The following PCDHA5 variants were observed in gnomAD, a reference collection of about 807,000 sequenced individuals.
PCDHA5 encodes the protein protocadherin alpha-5.
PCDHA5 carries 43 observed loss-of-function variants against 61.6 expected under a neutral mutation model. The observed-to-expected ratio is 0.70, with a 90% CI of 0.55 to 0.90. PCDHA5 has a LOEUF of 0.90. Among genes scored for constraint, PCDHA5 ranks in the 40% least tolerant of loss-of-function variants. PCDHA5 has a pLI of 0.00. For missense variants in PCDHA5, 1,298 were observed against 1,222.7 expected (o/e 1.06, Z -0.92); for synonymous variants, 627 against 543.9 (o/e 1.15, Z -2.13).
At chr5:140,893,327 GT>G (rs2063928643) in intron 1 of PCDHA5, among the ~76,000 whole-genome samples, 1 of 152,164 alleles carries the variant, frequency 6.6e-6, no homozygotes, top group Non-Finnish European at 1.5e-5. Flanking sequence ...CTCCCATACT[GT>G]TTTCCTTAGT....
At position 140,824,400 on chromosome 5, in the gene PCDHA5, T is replaced by C. The variant is rs1554129880; in HGVS notation, c.2352+273T>C. The C allele has an allele frequency of 7.3e-6, 4 of 544,444 alleles. No homozygotes were observed. The African/African-American group carries it at 7.7e-5, about 10-fold the overall frequency. The allele number at this position is 544,444 out of a possible 1,614,324, so 33.7% of individuals were successfully genotyped here. On this transcript the variant is annotated intron_variant, in intron 1 of 3. Transcript: ENST00000529859. ...CATCTCTAAAAATGTAGGATAATAA[T>C]TGTAAGACATAGTTTGGAGTCATTC...
chr5:140,822,738 C>A lies in PCDHA5; in HGVS notation c.963C>A (p.Ala321=). Residue 321 remains alanine (A), a synonymous_variant, in exon 1 of 4, where the codon GCC becomes GCA. Transcript: ENST00000529859. The stretch of plus-strand genomic sequence containing the variant: ...ACTCATATGAAATTAATATTGATGC[C>A]ATGGATAAAAGTACATTCCCATTAT... The part of the protein sequence containing the change: ...DYNSYEINID[A]MDKSTFPLSG... The A allele has an allele frequency of 1.9e-6, 3 of 1,613,298 alleles. No homozygotes were observed. Among genetic ancestry groups the A allele is most frequent in the Non-Finnish European group, 2.5e-6 (3 of 1,179,304 alleles).
chr5:140,869,320 G>T, intron 1 of PCDHA5: 1 of 1,613,846 alleles, frequency 6.2e-7, no homozygotes, highest in Non-Finnish European at 8.5e-7. Context: ...AACACATGGG[G>T]ACCTTCTGGA....
In PCDHA5 at chr5:140,829,378, C is replaced by T. The variant is rs142490526; in HGVS notation, c.2352+5251C>T. 28 of 1,614,180 alleles carry T rather than the reference C, an allele frequency of 1.7e-5. No homozygotes were observed. In the African/African-American group the frequency reaches 2.1e-4, roughly 12 times the overall value. On this transcript the variant is annotated intron_variant, in intron 1 of 3. Transcript: ENST00000529859. ...ATGAGTTGGTGGTAACCGCGCGGGA[C>T]GGGGGCTCGCCTTCGCTGTGGGCCA...
intron 1 of PCDHA5, among the ~76,000 whole-genome samples, chr5:140,918,041 C>T (rs1554198405): frequency 6.6e-6 from 1 of 152,058 alleles, no homozygotes; most frequent in Non-Finnish European, 1.5e-5. Flanking sequence ...AAGGTCTTTC[C>T]ATTTGTTTTA....
intron 1 of PCDHA5, among the ~76,000 whole-genome samples, chr5:140,915,929 C>A (rs1554197194): frequency 1.3e-5 from 2 of 152,144 alleles, no homozygotes; most frequent in African/African-American, 4.8e-5. Context: ...ACTTGGGAGT[C>A]AGGGATTGGA....
rs2150131408 is a variant in PCDHA5, at chr5:140,824,008, G to A, written c.2233G>A (p.Gly745Arg). The change falls in exon 1 of 4, where the codon GGG (glycine) becomes AGG (arginine). Residue 745 changes from glycine (G) to arginine (R), a missense_variant. By Grantham distance (125) the Gly-to-Arg change is moderately radical. Coordinates refer to ENST00000529859, the MANE Select transcript of PCDHA5 (RefSeq NM_018908.3). ...CACTCTGTTGTGCTCCAGCGCGGTGGGGAGCTGGTCGTACTCGCAGCAGAG... is the reference window on the plus strand; with the variant it reads ...CACTCTGTTGTGCTCCAGCGCGGTGAGGAGCTGGTCGTACTCGCAGCAGAG... ...KPTLLCSSAV[G>R]SWSYSQQRRQ... 6 of 1,614,026 alleles carry A rather than the reference G, an allele frequency of 3.7e-6. No individual in the cohort carries two copies. The highest frequency in any genetic ancestry group is 5.1e-6 in the Non-Finnish European group (6 of 1,180,022).
At chr5:140,830,182 C>A (rs2150182524) in intron 1 of PCDHA5, 1 of 1,613,656 alleles carries the variant, frequency 6.2e-7, no homozygotes. Context: ...TGGATGTCAA[C>A]GTGTACCTGA....
chr5:140,852,228 A>G, intron 1 of PCDHA5: 1 of 612,592 alleles, frequency 1.6e-6, no homozygotes, highest in Non-Finnish European at 2.1e-6. Context: ...TAATTTTTAA[A>G]TTTTCCCTTA....
chr5:140,928,552 G>A lies in PCDHA5; in HGVS notation c.2353-50397G>A, dbSNP rs145928329. On this transcript the variant is annotated intron_variant, in intron 1 of 3. Coordinates refer to ENST00000529859, the MANE Select transcript of PCDHA5 (RefSeq NM_018908.3). ...GGTAGATAGGAATGACAATTATCCGGTTATCTTGTTTCCCTTGCCCAGAAA... is the reference window on the plus strand; with the variant it reads ...GGTAGATAGGAATGACAATTATCCGATTATCTTGTTTCCCTTGCCCAGAAA... The A allele has an allele frequency of 6.7e-4, 1,075 of 1,614,218 alleles. 1 individual carries two copies. Among genetic ancestry groups the A allele is most frequent in the Non-Finnish European group, 8.6e-4 (1,013 of 1,180,042 alleles).
At chr5:140,952,338 CAA>C (rs55931446) in intron 1 of PCDHA5, among the ~76,000 whole-genome samples, 119 of 135,000 alleles carry the variant, frequency 8.8e-4, no homozygotes, top group Admixed American at 1.8e-3. Flanking sequence ...AACTCCATCT[CAA>C]AAAAAAAAAA....
At chr5:140,954,919 C>A (rs246021) in intron 1 of PCDHA5, among the ~76,000 whole-genome samples, 85,722 of 151,952 alleles carry the variant, frequency 0.56, 24,790 homozygotes, top group African/African-American at 0.69. Flanking sequence ...TTATGAATTA[C>A]GTCTTTAATT....
At chr5:140,836,909 CTT>C (rs1774804264) in intron 1 of PCDHA5, 2 of 579,626 alleles carry the variant, frequency 3.5e-6, no homozygotes, top group Admixed American at 3.6e-5. Flanking sequence ...TTAATATACA[CTT>C]TTGTTTTGGG....
rs781827236 is a variant in PCDHA5, at chr5:140,877,873, T to C, written c.2352+53746T>C. ...TTAATATTATTTAGATATATTTGTT[T>C]CCTTGAAGAACTTCCGTTTAGGTTA... On this transcript the variant is annotated intron_variant, in intron 1 of 3. Transcript: ENST00000529859. 6.8e-6 allele frequency: 10 copies of C among 1,481,404 alleles called. 1 individual carries two copies. In the Admixed American group the frequency reaches 2.1e-4, roughly 30 times the overall value. 91.8% of individuals were successfully genotyped at this position (1,481,404 alleles called of 1,614,324 possible).
intron 1 of PCDHA5, chr5:140,841,384 C>T (rs1222164678): frequency 1.2e-6 from 2 of 1,613,362 alleles, no homozygotes; most frequent in Non-Finnish European, 1.7e-6. Context: ...TTCTGCTCCT[C>T]GCAGCCTGGA....
chr5:140,999,507 T>A (rs2097860188), intron 3 of PCDHA5, among the ~76,000 whole-genome samples: 1 of 152,078 alleles, frequency 6.6e-6, no homozygotes, highest in South Asian at 2.1e-4. Flanking sequence ...GAACCTACAT[T>A]TTAAGCATTT....
chr5:140,907,158 T>C (rs1482177408), intron 1 of PCDHA5, among the ~76,000 whole-genome samples: 1 of 152,146 alleles, frequency 6.6e-6, no homozygotes, highest in Non-Finnish European at 1.5e-5. Flanking sequence ...AACAGTACCA[T>C]ATATTGGATG....
chr5:140,861,923 A>G (rs898939301), intron 1 of PCDHA5: 1 of 153,990 alleles, frequency 6.5e-6, no homozygotes, highest in African/African-American at 2.4e-5. Flanking sequence ...GCTGGATGTA[A>G]ATGATGATGC....
Position 140,828,566 on chromosome 5 carries a change from G to C in PCDHA5, c.2352+4439G>C, listed in dbSNP as rs148766603. The C allele has an allele frequency of 2.0e-5, 32 of 1,614,216 alleles. No homozygotes were observed. The African/African-American group carries it at 3.6e-4, about 18-fold the overall frequency. ...TGTGTTTCCACTGGAGGGCGCGTCC[G>C]ATGCAGATGTTGGCTCAAATTCCAT... is the stretch of plus-strand genomic sequence containing the variant. On this transcript the variant is annotated intron_variant, in intron 1 of 3. Transcript: ENST00000529859.
Sources: gnomAD v4.1 joint callset for allele counts (sites outside exome capture counted in the v4.1 genomes callset) on GRCh38, gnomAD v4.1.1 for gene constraint, MANE v1.5 for transcripts, NCBI Gene and HGNC (gene_info 2026-07-23, HGNC 2026-07-21) for gene names.